Variants in CCDC141 observed in about 807,000 individuals in gnomAD.
CCDC141 encodes coiled-coil domain-containing protein 141.
In CCDC141, 168 loss-of-function variants were observed where a neutral mutation model predicts 181.0. The ratio of observed to expected loss-of-function variants is 0.93; its 90% confidence interval spans 0.82 to 1.05. CCDC141 has a LOEUF of 1.05. CCDC141 is among the 50% of genes least tolerant of loss of function. CCDC141 has a pLI of 0.00. For synonymous variants in CCDC141, 666 were observed against 642.3 expected (o/e 1.04, Z -0.56); for missense variants, 1,902 against 1,788.5 (o/e 1.06, Z -1.14).
intron 6 of CCDC141, among the ~76,000 whole-genome samples, chr2:178,929,611 A>T (rs1032203072): frequency 5.3e-5 from 8 of 152,128 alleles, no homozygotes; most frequent in Admixed American, 4.6e-4. Flanking sequence ...TGTATCTAGG[A>T]CTAAATACAA....
intron 2 of CCDC141, among the ~76,000 whole-genome samples, chr2:179,035,015 A>G (rs549577393): frequency 2.0e-5 from 3 of 152,176 alleles, no homozygotes; most frequent in Non-Finnish European, 4.4e-5. Flanking sequence ...AGGACAGTTC[A>G]AATATCAGTT....
chr2:179,041,832 G>C (rs998468743), intron 2 of CCDC141, among the ~76,000 whole-genome samples: 1 of 152,060 alleles, frequency 6.6e-6, no homozygotes, highest in African/African-American at 2.4e-5. Context: ...ATTGCATAAA[G>C]GTAAAAATTT....
At chr2:178,873,582 T>C (rs1293228403) in intron 12 of CCDC141, 1 of 152,144 alleles carries the variant, frequency 6.6e-6, no homozygotes, top group East Asian at 1.9e-4. Context: ...AAGGATATGG[T>C]GGTCTGAGTG....
chr2:178,947,679 T>C (rs1230023096), intron 5 of CCDC141, among the ~76,000 whole-genome samples: 3 of 152,104 alleles, frequency 2.0e-5, no homozygotes, highest in Non-Finnish European at 2.9e-5. Context: ...TCAGCAAAGA[T>C]GCAGAGAGGA....
In CCDC141 at chr2:178,937,628, G is replaced by A. The variant is rs556005942; in HGVS notation, c.897+6907C>T. The stretch of plus-strand genomic sequence containing the variant: ...GGAGTCCTTCCTCCTCAATTTTTGG[G>A]AATAGTTTTTGTAGGAATGGTTCCA... On this transcript the variant is annotated intron_variant, in intron 6 of 23. Transcript: ENST00000443758. Among the ~76,000 whole-genome samples, 96 of 152,150 alleles carry A rather than the reference G, an allele frequency of 6.3e-4. 1 individual carries two copies. The highest frequency in any genetic ancestry group is 1.1e-3 in the Non-Finnish European group (74 of 67,968).
At chr2:178,888,455 G>T in intron 9 of CCDC141, 72 bp downstream of exon 9, 2 of 1,401,356 alleles carry the variant, frequency 1.4e-6, no homozygotes, top group South Asian at 1.3e-5. Context: ...CTCCCGCCAT[G>T]CCCACATACT....
intron 22 of CCDC141, among the ~76,000 whole-genome samples, chr2:178,845,032 C>A (rs1270456773): frequency 1.3e-5 from 2 of 152,108 alleles, no homozygotes; most frequent in South Asian, 4.1e-4. Context: ...TATCTGTAGT[C>A]GTTACATGCT....
intron 21 of CCDC141, among the ~76,000 whole-genome samples, chr2:178,846,781 C>T (rs1684956992): frequency 6.6e-6 from 1 of 152,180 alleles, no homozygotes; most frequent in African/African-American, 2.4e-5. Context: ...CACCTCTACA[C>T]AGAAAACATT....
chr2:178,987,432 C>T (rs1691808173), intron 2 of CCDC141, among the ~76,000 whole-genome samples: 2 of 151,930 alleles, frequency 1.3e-5, no homozygotes, highest in Admixed American at 1.3e-4. Flanking sequence ...TCTAAAACAC[C>T]AAAAGCAATG....
intron 2 of CCDC141, among the ~76,000 whole-genome samples, chr2:179,034,659 G>T (rs1225364925): frequency 6.6e-6 from 1 of 152,118 alleles, no homozygotes; most frequent in East Asian, 1.9e-4. Flanking sequence ...GTTTCCAAAA[G>T]GTTGTGTCAG....
intron 2 of CCDC141, among the ~76,000 whole-genome samples, chr2:179,010,477 G>A (rs911136109): frequency 7.2e-5 from 11 of 152,154 alleles, no homozygotes; most frequent in African/African-American, 2.7e-4. Context: ...AAAGCTAGGA[G>A]GGATTGGGGT....
chr2:178,896,264 G>C (rs1312130744), intron 8 of CCDC141, among the ~76,000 whole-genome samples: 1 of 152,164 alleles, frequency 6.6e-6, no homozygotes, highest in African/African-American at 2.4e-5. Context: ...CATTTGGCCT[G>C]TCTTGATCTC....
intron 2 of CCDC141, among the ~76,000 whole-genome samples, chr2:179,039,210 T>G (rs2043227766): frequency 6.6e-6 from 1 of 151,532 alleles, no homozygotes; most frequent in Non-Finnish European, 1.5e-5. Context: ...TAAGATTAAG[T>G]ACATTGCAGA....
chr2:178,860,045 A>G (rs1195535406), intron 17 of CCDC141, among the ~76,000 whole-genome samples: 1 of 152,216 alleles, frequency 6.6e-6, no homozygotes, highest in Admixed American at 6.5e-5. Flanking sequence ...CCTTAGAACT[A>G]TGGCACATGT....
intron 5 of CCDC141, 142 bp from the exon 6 acceptor site, chr2:178,944,793 T>C (rs1689662800): frequency 7.0e-6 from 3 of 426,382 alleles, no homozygotes; most frequent in Non-Finnish European, 1.2e-5. Context: ...ATTAAAATAA[T>C]ATGAACAAGT....
At chr2:178,922,175 T>C (rs1369084106) in intron 6 of CCDC141, among the ~76,000 whole-genome samples, 1 of 152,234 alleles carries the variant, frequency 6.6e-6, no homozygotes, top group East Asian at 1.9e-4. Flanking sequence ...GGGTTGATTT[T>C]TCTTTCTGTA....
intron 19 of CCDC141, among the ~76,000 whole-genome samples, chr2:178,855,071 G>A (rs1000018461): frequency 6.6e-6 from 1 of 152,148 alleles, no homozygotes; most frequent in Non-Finnish European, 1.5e-5. Flanking sequence ...ATCTGATGAG[G>A]TTATGGAGAA....
At chr2:178,884,182 T>C (rs1024836513) in intron 11 of CCDC141, among the ~76,000 whole-genome samples, 2 of 152,058 alleles carry the variant, frequency 1.3e-5, no homozygotes, top group Non-Finnish European at 2.9e-5. Flanking sequence ...ATTTGTATGA[T>C]TTTTAATACA....
At chr2:178,840,812 T>C (rs1016359874) in intron 22 of CCDC141, among the ~76,000 whole-genome samples, 8 of 152,204 alleles carry the variant, frequency 5.3e-5, no homozygotes, top group African/African-American at 1.9e-4. Context: ...GGCTATCATT[T>C]TTTCACTTCT....
Sources: gnomAD v4.1 joint callset for allele counts (sites outside exome capture counted in the v4.1 genomes callset) on GRCh38, gnomAD v4.1.1 for gene constraint, MANE v1.5 for transcripts, NCBI Gene and HGNC (gene_info 2026-07-23, HGNC 2026-07-21) for gene names.